KCNB2: variants seen among roughly 807,000 people sequenced by gnomAD.
KCNB2 encodes potassium voltage-gated channel subfamily B member 2, also known as delayed rectifier potassium channel protein.
Under a neutral mutation model 61.5 loss-of-function variants are expected in KCNB2, and 15 were observed. That is an observed-to-expected ratio of 0.24 (90% CI 0.16 to 0.38). The LOEUF (loss-of-function observed/expected upper bound fraction) is 0.38, where lower values mean the gene tolerates loss of function less well. Among genes scored for constraint, KCNB2 ranks in the 10% least tolerant of loss-of-function variants. The probability of loss-of-function intolerance (pLI) is 1.00; values close to 1 mark genes in which losing one functional copy is unlikely to be tolerated. For synonymous variants in KCNB2, 457 were observed against 446.0 expected (o/e 1.02, Z -0.31); for missense variants, 828 against 1,125.2 (o/e 0.74, Z 3.78).
chr8:72,898,451 GA>G (rs373942673), intron 2 of KCNB2, among the ~76,000 whole-genome samples: 3 of 149,488 alleles, frequency 2.0e-5, no homozygotes, highest in South Asian at 2.1e-4. Flanking sequence ...TTTAAAAAAA[GA>G]AAAAAAAACA....
chr8:72,599,387 A>G (rs1322039088), intron 2 of KCNB2, among the ~76,000 whole-genome samples: 2 of 152,208 alleles, frequency 1.3e-5, no homozygotes, highest in East Asian at 1.9e-4. Context: ...GGGAAAACTG[A>G]CTAGCCATAT....
intron 2 of KCNB2, among the ~76,000 whole-genome samples, chr8:72,795,169 A>G (rs1261394478): frequency 6.6e-6 from 1 of 152,254 alleles, no homozygotes; most frequent in Non-Finnish European, 1.5e-5. Context: ...AAAAAAGCAT[A>G]TGGATCACAT....
intron 2 of KCNB2, among the ~76,000 whole-genome samples, chr8:72,574,210 A>G (rs1272825080): frequency 2.6e-5 from 4 of 152,168 alleles, no homozygotes; most frequent in Non-Finnish European, 5.9e-5. Flanking sequence ...CAGCGATCCT[A>G]TTTCTAGATC....
chr8:72,760,167 C>A (rs1309119160), intron 2 of KCNB2, among the ~76,000 whole-genome samples: 1 of 152,154 alleles, frequency 6.6e-6, no homozygotes, highest in East Asian at 1.9e-4. Flanking sequence ...GATTTGGAGC[C>A]AGATCAACCA....
intron 2 of KCNB2, among the ~76,000 whole-genome samples, chr8:72,811,362 G>C (rs982455708): frequency 1.3e-5 from 2 of 151,848 alleles, no homozygotes; most frequent in African/African-American, 2.4e-5. Context: ...ATAGCTTTCT[G>C]TTGCCACATA....
intron 2 of KCNB2, among the ~76,000 whole-genome samples, chr8:72,573,346 T>C (rs1005586954): frequency 2.6e-5 from 4 of 152,198 alleles, no homozygotes; most frequent in African/African-American, 9.7e-5. Context: ...CTTTCACATG[T>C]TATGCTTGTA....
intron 2 of KCNB2, among the ~76,000 whole-genome samples, chr8:72,753,378 A>G (rs1056262430): frequency 1.8e-4 from 28 of 152,206 alleles, no homozygotes; most frequent in African/African-American, 6.3e-4. Flanking sequence ...ATTTTTATTT[A>G]GCAACTCTTA....
In KCNB2 at chr8:72,588,825, G is replaced by A. The variant is rs117035610; in HGVS notation, c.579+20512G>A. 5.3e-3 allele frequency among the ~76,000 whole-genome samples: 814 copies of A among 152,224 alleles called. 15 individuals are homozygous for A. The highest frequency in any genetic ancestry group is 0.031 in the Admixed American group (476 of 15,288). ...GTGGGAGAATTGCTTGAGCCCAGGAGTTCAAGGCTGCTGTGAACTATGATG... is the reference window on the plus strand; with the variant it reads ...GTGGGAGAATTGCTTGAGCCCAGGAATTCAAGGCTGCTGTGAACTATGATG... On this transcript the variant is annotated intron_variant, in intron 2 of 2. Coordinates refer to ENST00000523207, the MANE Select transcript of KCNB2 (RefSeq NM_004770.3).
intron 2 of KCNB2, among the ~76,000 whole-genome samples, chr8:72,671,358 A>G (rs913480005): frequency 2.0e-5 from 3 of 152,184 alleles, no homozygotes; most frequent in African/African-American, 7.2e-5. Context: ...AATGTTGAGC[A>G]TTATTACAGC....
chr8:72,631,377 G>T (rs7839710), intron 2 of KCNB2, among the ~76,000 whole-genome samples: 95,133 of 152,060 alleles, frequency 0.63, 30,553 homozygotes, highest in Admixed American at 0.73. Context: ...CTCTCCTAGC[G>T]TCTGGTGGTT....
At chr8:72,821,627 CA>C (rs1563395034) in intron 2 of KCNB2, among the ~76,000 whole-genome samples, 1 of 63,952 alleles carries the variant, frequency 1.6e-5, no homozygotes, top group African/African-American at 7.3e-5. Flanking sequence ...CCTACACACA[CA>C]CACAAAAAAA....
At chr8:72,729,896 A>C (rs1291732583) in intron 2 of KCNB2, among the ~76,000 whole-genome samples, 1 of 152,168 alleles carries the variant, frequency 6.6e-6, no homozygotes, top group Non-Finnish European at 1.5e-5. Flanking sequence ...AAAAAAAAAA[A>C]AGATTACACA....
At chr8:72,559,345 G>C (rs561113830) in intron 1 of KCNB2, among the ~76,000 whole-genome samples, 1 of 151,876 alleles carries the variant, frequency 6.6e-6, no homozygotes, top group South Asian at 2.1e-4. Flanking sequence ...GGGTTTCACC[G>C]TGTTTCCCAG....
chr8:72,776,291 A>G (rs1036362476), intron 2 of KCNB2, among the ~76,000 whole-genome samples: 3 of 151,760 alleles, frequency 2.0e-5, no homozygotes, highest in African/African-American at 7.3e-5. Flanking sequence ...TAGGAGATAT[A>G]CCTAGTGTAA....
intron 2 of KCNB2, among the ~76,000 whole-genome samples, chr8:72,838,681 A>G (rs1357049835): frequency 1.3e-5 from 2 of 152,224 alleles, no homozygotes; most frequent in South Asian, 2.1e-4. Context: ...CTGATATGGT[A>G]GGTTCACATT....
chr8:72,834,102 C>A (rs1296051950), intron 2 of KCNB2, among the ~76,000 whole-genome samples: 1 of 152,100 alleles, frequency 6.6e-6, no homozygotes, highest in East Asian at 1.9e-4. Context: ...TTAATTATTT[C>A]TAATTATCTA....
intron 2 of KCNB2, among the ~76,000 whole-genome samples, chr8:72,796,297 A>G (rs929607930): frequency 2.6e-5 from 4 of 152,142 alleles, no homozygotes; most frequent in African/African-American, 9.7e-5. Flanking sequence ...GGCATTTCTC[A>G]TATCTCCCTG....
chr8:72,727,292 G>A (rs1807667879), intron 2 of KCNB2, among the ~76,000 whole-genome samples: 1 of 152,056 alleles, frequency 6.6e-6, no homozygotes, highest in East Asian at 1.9e-4. Flanking sequence ...AATTTGTTTA[G>A]CTATCAAATA....
chr8:72,619,652 A>G lies in KCNB2; in HGVS notation c.579+51339A>G, dbSNP rs916623133. 1.3e-5 allele frequency among the ~76,000 whole-genome samples: 2 copies of G among 151,904 alleles called. 1 individual carries two copies. Reference sequence around the variant, plus strand: ...GGAAGAAGTGCCCTGCAAGCCCCTTATTTACTAATTTTCATTTCAAGAATT... The same window carrying G: ...GGAAGAAGTGCCCTGCAAGCCCCTTGTTTACTAATTTTCATTTCAAGAATT... On this transcript the variant is annotated intron_variant, in intron 2 of 2. Coordinates refer to ENST00000523207, the MANE Select transcript of KCNB2 (RefSeq NM_004770.3).
Sources: allele counts gnomAD v4.1 joint callset (sites outside exome capture counted in the v4.1 genomes callset), GRCh38; gene constraint gnomAD v4.1.1; transcripts MANE v1.5; gene names NCBI Gene and HGNC (gene_info 2026-07-23, HGNC 2026-07-21).